Variants in LONRF2 observed in about 807,000 individuals in gnomAD.
The protein encoded by LONRF2 is LON peptidase N-terminal domain and RING finger protein 2.
Under a neutral mutation model 66.6 loss-of-function variants are expected in LONRF2, and 35 were observed. The observed-to-expected ratio is 0.53, with a 90% CI of 0.40 to 0.70. The LOEUF (loss-of-function observed/expected upper bound fraction) is 0.70. LONRF2 is among the 30% of genes least tolerant of loss of function. LONRF2 has a pLI of 0.00. For synonymous variants in LONRF2, 417 were observed against 418.1 expected, an observed-to-expected ratio of 1.00 and a Z score of 0.03; for missense variants, 902 against 1,002.1, an observed-to-expected ratio of 0.90 and a Z score of 1.35.
intron 3 of LONRF2, among the ~76,000 whole-genome samples, chr2:100,301,701 T>C (rs1338247901): frequency 2.0e-5 from 3 of 152,202 alleles, no homozygotes; most frequent in Non-Finnish European, 1.5e-5. Flanking sequence ...ACGCTCCAGG[T>C]AGACAACAAC....
chr2:100,312,333 C>T (rs1276333398), intron 1 of LONRF2, among the ~76,000 whole-genome samples: 1 of 151,844 alleles, frequency 6.6e-6, no homozygotes, highest in Non-Finnish European at 1.5e-5. Context: ...GTATTTATGC[C>T]TTGCTTTTTC....
intron 7 of LONRF2, among the ~76,000 whole-genome samples, chr2:100,297,676 G>A (rs1675098622): frequency 6.6e-6 from 1 of 152,164 alleles, no homozygotes; most frequent in African/African-American, 2.4e-5. Context: ...GAGGAAAACT[G>A]CACAGGGGCC....
intron 1 of LONRF2, among the ~76,000 whole-genome samples, chr2:100,319,330 C>A (rs1675576349): frequency 6.6e-6 from 1 of 151,904 alleles, no homozygotes; most frequent in African/African-American, 2.4e-5. Flanking sequence ...ACTGAAATAG[C>A]CTATTTTAAA....
rs968132900 is a variant in LONRF2 at position 100,300,683 on chromosome 2, G to A, written c.1026C>T (p.Ala342=). 6.2e-7 allele frequency: 1 copy of A among 1,613,272 alleles called. No individual in the cohort carries two copies. Among genetic ancestry groups the A allele is most frequent in the Non-Finnish European group, 8.5e-7 (1 of 1,179,804 alleles). The change falls in exon 4 of 12, where the codon GCC becomes GCT. Residue 342 remains alanine (A), a synonymous_variant. Coordinates refer to ENST00000393437, the MANE Select transcript of LONRF2 (RefSeq NM_198461.4). ...CATCACCTTCTTCCAGCAGAGCCTG[G>A]GCATTCATGTGGCTGTGACCCTGAG... ...LKAQGHSHMN[A]QALLEEGDAG... is the part of the protein sequence containing the mutation.
chr2:100,298,765 G>A (rs1675120304), intron 7 of LONRF2, 71 bp downstream of exon 7: 4 of 1,119,974 alleles, frequency 3.6e-6, no homozygotes, highest in South Asian at 1.3e-5. Context: ...GAAGCAACAC[G>A]AGACAGGGAG....
intron 8 of LONRF2, 119 bp downstream of exon 8, chr2:100,295,313 C>T: frequency 1.2e-6 from 1 of 849,964 alleles, no homozygotes; most frequent in East Asian, 2.9e-5. Context: ...CAATTAACAT[C>T]CTTTTCCATT....
At position 100,321,453 on chromosome 2, in the gene LONRF2, T is replaced by C; in HGVS notation, c.641A>G (p.Glu214Gly). 1 of 1,496,864 alleles carries C rather than the reference T, an allele frequency of 6.7e-7. No individual in the cohort carries two copies. The highest frequency in any genetic ancestry group is 8.8e-7 in the Non-Finnish European group (1 of 1,133,958). The allele number at this position is 1,496,864 out of a possible 1,614,324, so 92.7% of individuals were successfully genotyped here. ...CTGGTCGCACCTGAGCAGCGCGGCCTCCGGCTGCTGCTGGCGCTGCAGGCT... is the reference window on the plus strand; with the variant it reads ...CTGGTCGCACCTGAGCAGCGCGGCCCCCGGCTGCTGCTGGCGCTGCAGGCT... ...ARSLQRQQQP[E>G]AALLRCDQAL... The change falls in exon 1 of 12, where the codon GAG (glutamate) becomes GGG (glycine). Residue 214 changes from glutamate to glycine, a missense_variant. Glu to Gly is a moderately conservative substitution (Grantham distance 98, BLOSUM62 -2). Coordinates refer to ENST00000393437, the MANE Select transcript of LONRF2 (RefSeq NM_198461.4).
chr2:100,314,397 A>T (rs891129802), intron 1 of LONRF2, among the ~76,000 whole-genome samples: 1 of 151,908 alleles, frequency 6.6e-6, no homozygotes, highest in Admixed American at 6.6e-5. Context: ...CTAGTTTTTA[A>T]CTCTTTGCCT....
In LONRF2 at chr2:100,282,012, T is replaced by C. The variant is rs1472274835; in HGVS notation, c.*2286A>G. ...AGTAAGTACCAATCTACTCCCACAC[T>C]GCAGTATGTGGGCGTGTGATGCTGA... On this transcript the variant is annotated 3_prime_UTR_variant, in exon 12 of 12. Transcript: ENST00000393437. 1 of 151,998 alleles carries C rather than the reference T, an allele frequency of 6.6e-6. No individual in the cohort carries two copies. The highest frequency in any genetic ancestry group is 1.5e-5 in the Non-Finnish European group (1 of 67,996). 9.4% of individuals were successfully genotyped at this position (151,998 alleles called of 1,614,324 possible). A position where few individuals can be genotyped will look rare whatever the true frequency, so the allele number is the denominator to read the frequency against.
chr2:100,277,627 G>A lies in LONRF2; in HGVS notation c.*6671C>T, dbSNP rs570792644. On this transcript the variant is annotated 3_prime_UTR_variant, in exon 12 of 12. Coordinates refer to ENST00000393437, the MANE Select transcript of LONRF2 (RefSeq NM_198461.4). ...TGGCATTGCCAACCCTCATATAAAT[G>A]ATGGAGCCCAAGAGAATGTTGCTGC... 4 of 152,248 alleles carry A rather than the reference G, an allele frequency of 2.6e-5. No individual in the cohort carries two copies. The South Asian group carries it at 8.3e-4, about 32-fold the overall frequency. The allele number at this position is 152,248 out of a possible 1,614,324, so 9.4% of individuals were successfully genotyped here.
rs1386599304 is a variant in LONRF2, at chr2:100,286,959, A to G, written c.2025T>C (p.Ile675=). ...ASLQDRMKEQ[I]LSHFGVMPDR... ...CTGGCATTACCCCAAAATGACTTAA[A>G]ATTTGTTCTTTCATGCGATCCTGGA... The change falls in exon 11 of 12, where the codon ATT becomes ATC. Residue 675 remains isoleucine, a synonymous_variant. Coordinates refer to ENST00000393437, the MANE Select transcript of LONRF2 (RefSeq NM_198461.4). The G allele has an allele frequency of 6.2e-7, 1 of 1,614,120 alleles. No individual in the cohort carries two copies.
rs566280590 is a variant in LONRF2 at position 100,291,806 on chromosome 2, C to A, written c.1758-1386G>T. 2.1e-4 allele frequency among the ~76,000 whole-genome samples: 32 copies of A among 152,280 alleles called. No homozygotes were observed. In the East Asian group the frequency reaches 6.2e-3, roughly 30 times the overall value. On this transcript the variant is annotated intron_variant, in intron 9 of 11. Transcript: ENST00000393437. ...GGCTATGTCTATTCTCATTCCAAAGCTCTCCCCAGCTCTTACCCACACTCT... is the reference window on the plus strand; with the variant it reads ...GGCTATGTCTATTCTCATTCCAAAGATCTCCCCAGCTCTTACCCACACTCT...
At position 100,295,520 on chromosome 2, in the gene LONRF2, G is replaced by A; in HGVS notation, c.1510C>T (p.Leu504=). The A allele has an allele frequency of 6.2e-7, 1 of 1,613,390 alleles. No individual in the cohort carries two copies. Among genetic ancestry groups the A allele is most frequent in the Non-Finnish European group, 8.5e-7 (1 of 1,179,720 alleles). The change falls in exon 8 of 12, where the codon CTG becomes TTG. Residue 504 remains leucine (L), a synonymous_variant. Transcript: ENST00000393437. ...TATCGAAATATTAATTCTTCGGCCA[G>A]AACAGTTATGTTAAAGTTTCTGCTT... The part of the protein sequence containing the change: ...LASRNFNITV[L]AEELIFRYLP...
chr2:100,320,763 G>GT (rs1675604287), intron 1 of LONRF2, among the ~76,000 whole-genome samples: 1 of 152,184 alleles, frequency 6.6e-6, no homozygotes, highest in South Asian at 2.1e-4. Flanking sequence ...GTGTTAACAG[G>GT]TGGTGGCTGG....
Position 100,309,091 on chromosome 2 carries a change from T to C in LONRF2, c.798+16A>G, listed in dbSNP as rs938007894. 6.7e-7 allele frequency: 1 copy of C among 1,482,144 alleles called. No homozygotes were observed. The highest frequency in any genetic ancestry group is 9.2e-7 in the Non-Finnish European group (1 of 1,088,648). The allele number at this position is 1,482,144 out of a possible 1,614,324, so 91.8% of individuals were successfully genotyped here. On this transcript the variant is annotated intron_variant, in intron 2 of 11. Coordinates refer to ENST00000393437, the MANE Select transcript of LONRF2 (RefSeq NM_198461.4). ...ACTTCACATTGATTATCTCCAAAGCTAACAAATACAAATACCTTAATCAAG... is the reference window on the plus strand; with the variant it reads ...ACTTCACATTGATTATCTCCAAAGCCAACAAATACAAATACCTTAATCAAG...
Position 100,308,799 on chromosome 2 carries a change from C to A in LONRF2, c.798+308G>T, listed in dbSNP as rs1256853261. On this transcript the variant is annotated intron_variant, in intron 2 of 11. Transcript: ENST00000393437. ...TACATTATAATTTTAAATATTTTTT[C>A]TTCACTTACAACTTTATAAAATTTG... Among the ~76,000 whole-genome samples, 4 of 151,696 alleles carry A rather than the reference C, an allele frequency of 2.6e-5. No individual in the cohort carries two copies. In the Admixed American group the frequency reaches 2.6e-4, roughly 10 times the overall value.
At chr2:100,294,489 C>T (rs1675025257) in intron 8 of LONRF2, 102 bp from the exon 9 acceptor site, 1 of 1,106,418 alleles carries the variant, frequency 9.0e-7, no homozygotes. Context: ...TCAGTTCTCC[C>T]CTCTACAAAA....
intron 5 of LONRF2, 26 bp downstream of exon 5, chr2:100,299,691 C>A: frequency 6.3e-7 from 1 of 1,599,714 alleles, no homozygotes; most frequent in Non-Finnish European, 8.6e-7. Context: ...AGTCACAGAA[C>A]TGCCTGATGA....
At chr2:100,314,618 T>C (rs1423246349) in intron 1 of LONRF2, among the ~76,000 whole-genome samples, 1 of 152,204 alleles carries the variant, frequency 6.6e-6, no homozygotes, top group Non-Finnish European at 1.5e-5. Flanking sequence ...TTGTGTCTTA[T>C]TTAAGAAACA....
Sources: allele counts gnomAD v4.1 joint callset (sites outside exome capture counted in the v4.1 genomes callset), GRCh38; gene constraint gnomAD v4.1.1; transcripts MANE v1.5; gene names NCBI Gene and HGNC (gene_info 2026-07-23, HGNC 2026-07-21).